The following SH3KBP1 variants were observed in gnomAD, a reference collection of about 807,000 sequenced individuals.
The protein encoded by SH3KBP1 is SH3 domain-containing kinase-binding protein 1.
In SH3KBP1, 8 loss-of-function variants were observed where a neutral mutation model predicts 50.1. The observed-to-expected ratio is 0.16, with a 90% CI of 0.09 to 0.29. SH3KBP1 has a LOEUF of 0.29. Ranked by LOEUF, SH3KBP1 falls within the 10% of genes least tolerant of loss-of-function variation. The probability of loss-of-function intolerance (pLI) is 1.00; values close to 1 mark genes in which losing one functional copy is unlikely to be tolerated. For synonymous variants in SH3KBP1, 227 were observed against 218.6 expected (o/e 1.04, Z -0.34); for missense variants, 377 against 535.2 (o/e 0.70, Z 2.92).
At chrX:19,742,158 T>C (rs1255167582) in intron 3 of SH3KBP1, among the ~76,000 whole-genome samples, 1 of 110,719 alleles carries the variant, frequency 9.0e-6, no homozygotes, top group Non-Finnish European at 1.9e-5. Flanking sequence ...TGGAGTGCAG[T>C]GGCGCTATCA....
chrX:19,624,991 G>GGGT (rs2067968706), intron 8 of SH3KBP1, among the ~76,000 whole-genome samples: 1 of 111,819 alleles, frequency 8.9e-6, no homozygotes, highest in Admixed American at 9.5e-5. Context: ...CCTCACCCTT[G>GGGT]GAACCACATT....
At chrX:19,637,551 G>A (rs1453524438) in intron 7 of SH3KBP1, among the ~76,000 whole-genome samples, 3 of 111,427 alleles carry the variant, frequency 2.7e-5, no homozygotes, top group Non-Finnish European at 1.9e-5. Context: ...TGTCAGAGAG[G>A]AAGAAAATGA....
intron 12 of SH3KBP1, among the ~76,000 whole-genome samples, chrX:19,584,277 AT>A (rs1569310451): frequency 4.2e-5 from 4 of 95,610 alleles, no homozygotes; most frequent in African/African-American, 1.5e-4. Context: ...ATTTATATAT[AT>A]ATAAATATAT....
At chrX:19,619,013 C>G (rs770469398) in intron 8 of SH3KBP1, among the ~76,000 whole-genome samples, 3 of 108,347 alleles carry the variant, frequency 2.8e-5, no homozygotes, top group Non-Finnish European at 1.9e-5. Flanking sequence ...CGGTGACTCA[C>G]GCCTGTAATC....
At position 19,581,385 on chromosome X, in the gene SH3KBP1, G is replaced by A. The variant is rs760350691; in HGVS notation, c.1298+7258C>T. Among the ~76,000 whole-genome samples, 6 of 112,421 alleles carry A rather than the reference G, an allele frequency of 5.3e-5. No homozygotes were observed. The East Asian group carries it at 1.7e-3, about 31-fold the overall frequency. On this transcript the variant is annotated intron_variant, in intron 12 of 17. Transcript: ENST00000397821. The stretch of plus-strand genomic sequence containing the variant: ...CTTTAGAAAGAAATTCACAACACCT[G>A]AGTAATCCCAATTCAAAATGATGGG...
chrX:19,622,534 T>C (rs1569351294), intron 8 of SH3KBP1, among the ~76,000 whole-genome samples: 1 of 112,270 alleles, frequency 8.9e-6, no homozygotes, highest in Non-Finnish European at 1.9e-5. Flanking sequence ...ACCTACTTCA[T>C]CTCATTTAAT....
intron 4 of SH3KBP1, among the ~76,000 whole-genome samples, chrX:19,698,443 G>A (rs1345326149): frequency 8.9e-6 from 1 of 112,322 alleles, no homozygotes; most frequent in African/African-American, 3.2e-5. Context: ...CACACCCTCA[G>A]ATGCCAGTAT....
At chrX:19,725,074 T>C (rs770550900) in intron 3 of SH3KBP1, among the ~76,000 whole-genome samples, 4 of 109,975 alleles carry the variant, frequency 3.6e-5, no homozygotes, top group Non-Finnish European at 7.6e-5. Context: ...TGTAAGTAAA[T>C]AAGGGGATGA....
chrX:19,764,345 A>C (rs1049973364), intron 2 of SH3KBP1, among the ~76,000 whole-genome samples: 4 of 111,761 alleles, frequency 3.6e-5, no homozygotes, highest in African/African-American at 1.3e-4. Flanking sequence ...GTTAATAAAC[A>C]GGTTAACAGG....
rs777861138 is a variant in SH3KBP1, at chrX:19,691,446, A to T, written c.520+4166T>A. Reference sequence around the variant, plus strand: ...TTCAGGTTTATATATATATATATATATTTTCAGGCTTTATATTTATATCTA... The same window carrying T: ...TTCAGGTTTATATATATATATATATTTTTTCAGGCTTTATATTTATATCTA... On this transcript the variant is annotated intron_variant, in intron 5 of 17. Transcript: ENST00000397821. Among the ~76,000 whole-genome samples the T allele has an allele frequency of 6.2e-4, 64 of 103,827 alleles. 2 individuals carry two copies. In the East Asian group the frequency reaches 0.01, roughly 17 times the overall value. The allele number at this position is 103,827 out of a possible 115,157, so 90.2% of individuals were successfully genotyped here.
chrX:19,721,207 C>T (rs922920813), intron 3 of SH3KBP1, among the ~76,000 whole-genome samples: 35 of 111,231 alleles, frequency 3.1e-4, no homozygotes, highest in Middle Eastern at 4.7e-3. Context: ...GGCTAAACCC[C>T]TTAAGCAGAG....
chrX:19,587,222 CAAAAAAA>C (rs762405835), intron 12 of SH3KBP1, among the ~76,000 whole-genome samples: 3 of 36,748 alleles, frequency 8.2e-5, no homozygotes, highest in Non-Finnish European at 5.4e-5. Flanking sequence ...AACTCTGCCT[CAAAAAAA>C]AAAAAAAAAA....
At chrX:19,802,144 G>A (rs968477630) in intron 2 of SH3KBP1, among the ~76,000 whole-genome samples, 3 of 104,487 alleles carry the variant, frequency 2.9e-5, no homozygotes, top group Non-Finnish European at 4.0e-5. Flanking sequence ...TGTAATCCCA[G>A]CACTTTGGGA....
intron 1 of SH3KBP1, among the ~76,000 whole-genome samples, chrX:19,870,597 T>C (rs1199645573): frequency 8.9e-6 from 1 of 111,993 alleles, no homozygotes; most frequent in Non-Finnish European, 1.9e-5. Flanking sequence ...CCGCTGACCT[T>C]GTCCTACCAA....
chrX:19,810,271 T>C (rs889484064), intron 2 of SH3KBP1, among the ~76,000 whole-genome samples: 2 of 112,617 alleles, frequency 1.8e-5, no homozygotes, highest in African/African-American at 6.5e-5. Flanking sequence ...AGTACTTTTA[T>C]ACTTTAACAT....
chrX:19,646,769 C>G (rs765099522), intron 6 of SH3KBP1, among the ~76,000 whole-genome samples: 2 of 112,580 alleles, frequency 1.8e-5, no homozygotes, highest in Non-Finnish European at 3.7e-5. Flanking sequence ...CTCAGCCCTT[C>G]ATGAATTTTT....
At chrX:19,765,327 C>A (rs1304626030) in intron 2 of SH3KBP1, among the ~76,000 whole-genome samples, 1 of 111,181 alleles carries the variant, frequency 9.0e-6, no homozygotes, top group African/African-American at 3.3e-5. Context: ...TCTTACTGGG[C>A]TAAAATGGAG....
At chrX:19,577,287 G>A (rs1287002026) in intron 12 of SH3KBP1, among the ~76,000 whole-genome samples, 1 of 111,271 alleles carries the variant, frequency 9.0e-6, no homozygotes, top group Non-Finnish European at 1.9e-5. Flanking sequence ...TCCAACTCCA[G>A]AGCCCAAGCT....
At chrX:19,558,262 T>C (rs1028545375) in intron 13 of SH3KBP1, among the ~76,000 whole-genome samples, 8 of 112,364 alleles carry the variant, frequency 7.1e-5, no homozygotes, top group Admixed American at 1.9e-4. Context: ...AATTAATCCA[T>C]AGAAATGTTT....
Sources: allele counts gnomAD v4.1 joint callset (sites outside exome capture counted in the v4.1 genomes callset), GRCh38; gene constraint gnomAD v4.1.1; transcripts MANE v1.5; gene names NCBI Gene and HGNC (gene_info 2026-07-23, HGNC 2026-07-21).